The following HOMER1 variants were observed in gnomAD, a reference collection of about 807,000 sequenced individuals.
HOMER1 encodes homer scaffold protein 1.
HOMER1 carries 3 observed loss-of-function variants against 48.9 expected under a neutral mutation model. That is an observed-to-expected ratio of 0.06 (90% confidence interval 0.03 to 0.16). HOMER1 has a LOEUF of 0.16. HOMER1 is among the 10% of genes least tolerant of loss of function. The pLI, the probability that HOMER1 is intolerant of heterozygous loss-of-function variation, is 1.00. For synonymous variants in HOMER1, 134 were observed against 146.4 expected, an observed-to-expected ratio of 0.92 and a Z score of 0.61; for missense variants, 247 against 411.4, an observed-to-expected ratio of 0.60 and a Z score of 3.46.
intron 1 of HOMER1, chr5:79,510,648 T>C (rs1417828979): frequency 1.5e-5 from 14 of 916,680 alleles, no homozygotes; most frequent in Non-Finnish European, 2.5e-5. Context: ...GCCAAGGCTA[T>C]CAAGGCCCTC....
chr5:79,436,448 C>G (rs1261781068), intron 5 of HOMER1, among the ~76,000 whole-genome samples: 1 of 152,208 alleles, frequency 6.6e-6, no homozygotes, highest in Non-Finnish European at 1.5e-5. Flanking sequence ...ACAGTTGTTA[C>G]TAATGAACTA....
At chr5:79,493,518 A>G (rs1172940265) in intron 1 of HOMER1, among the ~76,000 whole-genome samples, 2 of 152,208 alleles carry the variant, frequency 1.3e-5, no homozygotes, top group African/African-American at 4.8e-5. Flanking sequence ...CAGGTAATCA[A>G]TGAATGTTTG....
At chr5:79,500,587 T>C (rs2112372088) in intron 1 of HOMER1, among the ~76,000 whole-genome samples, 1 of 152,212 alleles carries the variant, frequency 6.6e-6, no homozygotes, top group African/African-American at 2.4e-5. Flanking sequence ...GATGAAGACC[T>C]TTAAGATGAT....
At chr5:79,482,644 T>C (rs1751978456) in intron 1 of HOMER1, among the ~76,000 whole-genome samples, 1 of 151,974 alleles carries the variant, frequency 6.6e-6, no homozygotes, top group Non-Finnish European at 1.5e-5. Flanking sequence ...GATTGATTAC[T>C]GTGGGATAAC....
At chr5:79,427,829 C>T (rs969453600) in intron 5 of HOMER1, among the ~76,000 whole-genome samples, 4 of 151,128 alleles carry the variant, frequency 2.6e-5, no homozygotes, top group African/African-American at 7.3e-5. Flanking sequence ...TTCCTTCCTT[C>T]CTTCCTTTCC....
intron 2 of HOMER1, among the ~76,000 whole-genome samples, chr5:79,452,764 C>G (rs1285632304): frequency 1.3e-5 from 2 of 152,094 alleles, no homozygotes; most frequent in South Asian, 2.1e-4. Context: ...TATGAGAGCC[C>G]TTATGCTCAA....
chr5:79,496,106 G>T (rs974196900), intron 1 of HOMER1, among the ~76,000 whole-genome samples: 3 of 152,148 alleles, frequency 2.0e-5, no homozygotes, highest in Non-Finnish European at 4.4e-5. Flanking sequence ...CAAAACCAAG[G>T]AAACTATAAT....
At chr5:79,490,300 A>C (rs1447136370) in intron 1 of HOMER1, among the ~76,000 whole-genome samples, 1 of 152,114 alleles carries the variant, frequency 6.6e-6, no homozygotes, top group Non-Finnish European at 1.5e-5. Flanking sequence ...TTTTTTATTA[A>C]CTGTTCATAT....
At chr5:79,418,847 C>T (rs1428849963) in intron 5 of HOMER1, among the ~76,000 whole-genome samples, 1 of 152,110 alleles carries the variant, frequency 6.6e-6, no homozygotes, top group Non-Finnish European at 1.5e-5. Context: ...TTACAATTGG[C>T]TATATGCAGT....
chr5:79,386,912 TCCTC>T (rs1749123813), intron 8 of HOMER1, among the ~76,000 whole-genome samples: 1 of 150,236 alleles, frequency 6.7e-6, no homozygotes, highest in Non-Finnish European at 1.5e-5. Context: ...TTTCCTTCCT[TCCTC>T]CCTCCCTCCT....
At chr5:79,394,390 T>C (rs1749327875) in intron 8 of HOMER1, among the ~76,000 whole-genome samples, 1 of 152,150 alleles carries the variant, frequency 6.6e-6, no homozygotes, top group Non-Finnish European at 1.5e-5. Context: ...GGAAAAAATA[T>C]GTTATTTTCT....
At chr5:79,411,801 G>A (rs1353252484) in intron 5 of HOMER1, among the ~76,000 whole-genome samples, 2 of 152,036 alleles carry the variant, frequency 1.3e-5, no homozygotes, top group Admixed American at 1.3e-4. Context: ...AAAATATTCC[G>A]ATACTCTTTC....
intron 1 of HOMER1, among the ~76,000 whole-genome samples, chr5:79,490,708 G>A (rs1023104986): frequency 2.0e-5 from 3 of 149,226 alleles, no homozygotes; most frequent in African/African-American, 7.5e-5. Flanking sequence ...AAGGTGGAGG[G>A]ATCACTTGAG....
chr5:79,464,666 C>A (rs1365499120), intron 1 of HOMER1, among the ~76,000 whole-genome samples: 1 of 152,176 alleles, frequency 6.6e-6, no homozygotes, highest in Non-Finnish European at 1.5e-5. Flanking sequence ...TCCTCTCTTT[C>A]TCATACATAT....
intron 1 of HOMER1, among the ~76,000 whole-genome samples, chr5:79,501,936 G>A (rs553963411): frequency 6.6e-6 from 1 of 150,774 alleles, no homozygotes; most frequent in African/African-American, 2.4e-5. Flanking sequence ...ATCTTGAAAA[G>A]AATAAGATAA....
chr5:79,400,935 T>C (rs944747557), intron 6 of HOMER1, among the ~76,000 whole-genome samples: 37 of 44,008 alleles, frequency 8.4e-4, no homozygotes, highest in Non-Finnish European at 4.7e-4. Context: ...AGAAAAAAGA[T>C]TTTTTTTTTT....
At chr5:79,459,943 G>C (rs968219050) in intron 1 of HOMER1, among the ~76,000 whole-genome samples, 2 of 152,188 alleles carry the variant, frequency 1.3e-5, no homozygotes, top group Non-Finnish European at 2.9e-5. Flanking sequence ...TGAAAAAAGA[G>C]AGAAGACAGT....
At chr5:79,379,315 T>C (rs1357247377) in intron 8 of HOMER1, among the ~76,000 whole-genome samples, 35 of 109,912 alleles carry the variant, frequency 3.2e-4, no homozygotes, top group Non-Finnish European at 4.3e-4. Flanking sequence ...GTAATATAAA[T>C]ATATAAATAT....
intron 6 of HOMER1, among the ~76,000 whole-genome samples, chr5:79,400,642 C>A (rs1749510158): frequency 6.7e-6 from 1 of 150,360 alleles, no homozygotes; most frequent in Non-Finnish European, 1.5e-5. Flanking sequence ...TAGGTGTGAG[C>A]CAATGTGCCC....
Sources: allele counts gnomAD v4.1 joint callset (sites outside exome capture counted in the v4.1 genomes callset), GRCh38; gene constraint gnomAD v4.1.1; transcripts MANE v1.5; gene names NCBI Gene and HGNC (gene_info 2026-07-23, HGNC 2026-07-21).